The following AGO3 variants were observed in gnomAD, a reference collection of about 807,000 sequenced individuals.
The protein encoded by AGO3 is protein argonaute-3.
Under a neutral mutation model 105.5 loss-of-function variants are expected in AGO3, and 16 were observed. The observed-to-expected ratio is 0.15, with a 90% CI of 0.10 to 0.23. The LOEUF is 0.23. AGO3 is among the 10% of genes least tolerant of loss of function. AGO3 has a pLI of 1.00. For missense variants in AGO3, 534 were observed against 1,088.0 expected (o/e 0.49, Z 7.16); for synonymous variants, 340 against 367.3 (o/e 0.93, Z 0.85).
At position 36,066,039 on chromosome 1, in the gene AGO3, C is replaced by CAA. The variant is rs575467258; in HGVS notation, c.*10308_*10309dup. 18 of 105,960 alleles carry CAA rather than the reference C, an allele frequency of 1.7e-4. No homozygotes were observed. Among genetic ancestry groups the CAA allele is most frequent in the East Asian group, 2.8e-4 (1 of 3,512 alleles). 6.6% of individuals were successfully genotyped at this position (105,960 alleles called of 1,614,324 possible). On this transcript the variant is annotated 3_prime_UTR_variant, in exon 19 of 19. Coordinates refer to ENST00000373191, the MANE Select transcript of AGO3 (RefSeq NM_024852.4). ...TGGGCAACAGAGTGAGACTCTGTCT[C>CAA]AAAAAAAAAAAAAAATCGTTGTGCA...
intron 5 of AGO3, among the ~76,000 whole-genome samples, chr1:36,002,324 ATTT>A (rs375411955): frequency 3.4e-5 from 4 of 119,212 alleles, no homozygotes; most frequent in Admixed American, 8.7e-5. Flanking sequence ...AGCCAAGATA[ATTT>A]TTTTTTTTTT....
chr1:36,044,653 G>A (rs374950854), intron 17 of AGO3, among the ~76,000 whole-genome samples: 3 of 152,144 alleles, frequency 2.0e-5, no homozygotes, highest in African/African-American at 7.2e-5. Context: ...TGTTGGCCAG[G>A]CTGGTCTCAA....
At chr1:36,039,359 T>G (rs1313043945) in intron 14 of AGO3, among the ~76,000 whole-genome samples, 3 of 151,822 alleles carry the variant, frequency 2.0e-5, no homozygotes, top group African/African-American at 7.3e-5. Flanking sequence ...CTGGGGGTGG[T>G]GGTGCACACC....
At chr1:35,956,263 G>A (rs1330613235) in intron 2 of AGO3, among the ~76,000 whole-genome samples, 1 of 152,096 alleles carries the variant, frequency 6.6e-6, no homozygotes, top group Non-Finnish European at 1.5e-5. Flanking sequence ...GTTCCTAGCT[G>A]GTGCATTAGT....
chr1:36,024,411 A>G (rs1641396675), intron 11 of AGO3, among the ~76,000 whole-genome samples: 1 of 152,148 alleles, frequency 6.6e-6, no homozygotes, highest in African/African-American at 2.4e-5. Context: ...TGCTGGGATC[A>G]TAGGTGTGAG....
intron 1 of AGO3, among the ~76,000 whole-genome samples, chr1:35,939,511 ATAG>A (rs1413021611): frequency 6.6e-6 from 1 of 152,124 alleles, no homozygotes; most frequent in Non-Finnish European, 1.5e-5. Context: ...GAGGATGTTG[ATAG>A]TAGGGTGTCT....
intron 3 of AGO3, among the ~76,000 whole-genome samples, chr1:35,969,151 T>C (rs1051037204): frequency 6.6e-6 from 1 of 152,104 alleles, no homozygotes; most frequent in Non-Finnish European, 1.5e-5. Flanking sequence ...TTAGATTTTT[T>C]ATTTTTTTTA....
At chr1:36,018,599 AT>A (rs1213912621) in intron 11 of AGO3, among the ~76,000 whole-genome samples, 1 of 151,572 alleles carries the variant, frequency 6.6e-6, no homozygotes, top group Admixed American at 6.6e-5. Flanking sequence ...TGCCTGGCTA[AT>A]TTTTTGTATT....
At chr1:36,049,850 A>G (rs1642630821) in intron 17 of AGO3, among the ~76,000 whole-genome samples, 1 of 152,228 alleles carries the variant, frequency 6.6e-6, no homozygotes, top group South Asian at 2.1e-4. Context: ...GGATCAATTT[A>G]CCAAGAGGAT....
In AGO3 at chr1:36,060,094, A is replaced by G. The variant is rs1339982141; in HGVS notation, c.*4349A>G. On this transcript the variant is annotated 3_prime_UTR_variant, in exon 19 of 19. Transcript: ENST00000373191. ...ATTCCTAGAAGAGAGTCTAGCAGGG[A>G]TTCTAGTAGGAATTACTGAGTGTTT... 1 of 152,190 alleles carries G rather than the reference A, an allele frequency of 6.6e-6. No individual in the cohort carries two copies. The highest frequency in any genetic ancestry group is 2.4e-5 in the African/African-American group (1 of 41,444). The allele number at this position is 152,190 out of a possible 1,614,324, so 9.4% of individuals were successfully genotyped here. A position where few individuals can be genotyped will look rare whatever the true frequency, so the allele number is the denominator to read the frequency against.
intron 3 of AGO3, among the ~76,000 whole-genome samples, chr1:35,971,308 C>T (rs1445887904): frequency 1.3e-5 from 2 of 150,646 alleles, no homozygotes; most frequent in East Asian, 3.9e-4. Context: ...TACAGGCATG[C>T]ACCACCACAC....
At chr1:36,017,786 C>T (rs186047082) in intron 11 of AGO3, among the ~76,000 whole-genome samples, 2 of 151,920 alleles carry the variant, frequency 1.3e-5, no homozygotes, top group African/African-American at 4.8e-5. Flanking sequence ...GCCTGTGGTC[C>T]CAGCTACTCA....
At chr1:35,951,428 C>T (rs932012150) in intron 2 of AGO3, among the ~76,000 whole-genome samples, 1 of 151,534 alleles carries the variant, frequency 6.6e-6, no homozygotes, top group Non-Finnish European at 1.5e-5. Context: ...AACAGGATCT[C>T]GCTCTGTCAC....
At chr1:35,982,772 G>C (rs763296419) in intron 5 of AGO3, 2 of 611,322 alleles carry the variant, frequency 3.3e-6, no homozygotes, top group Non-Finnish European at 5.9e-6. Context: ...GAAAAAATAG[G>C]TTTAAGAACC....
intron 5 of AGO3, among the ~76,000 whole-genome samples, chr1:35,986,294 A>C (rs1024485880): frequency 2.0e-5 from 3 of 152,250 alleles, no homozygotes; most frequent in Non-Finnish European, 2.9e-5. Context: ...TGTCAGTAGC[A>C]GAATGAATAA....
At chr1:36,012,711 C>G (rs1275981448) in intron 9 of AGO3, among the ~76,000 whole-genome samples, 1 of 152,056 alleles carries the variant, frequency 6.6e-6, no homozygotes, top group East Asian at 1.9e-4. Context: ...TTCTTAACCT[C>G]TTTTTAGGTG....
chr1:35,998,456 A>G (rs1216172918), intron 5 of AGO3, among the ~76,000 whole-genome samples: 2 of 152,150 alleles, frequency 1.3e-5, no homozygotes, highest in African/African-American at 4.8e-5. Context: ...AAAATTATAT[A>G]CAGCTTCCAA....
At chr1:36,043,026 G>A (rs528137452) in intron 16 of AGO3, among the ~76,000 whole-genome samples, 1 of 152,314 alleles carries the variant, frequency 6.6e-6, no homozygotes, top group Admixed American at 6.5e-5. Context: ...TGTGACTGTT[G>A]TTGATCTTGT....
At chr1:35,993,049 A>G (rs1327285329) in intron 5 of AGO3, among the ~76,000 whole-genome samples, 3 of 152,222 alleles carry the variant, frequency 2.0e-5, no homozygotes, top group African/African-American at 4.8e-5. Flanking sequence ...AGAGGATATA[A>G]TAACATTAAG....
Sources: gnomAD v4.1 joint callset for allele counts (sites outside exome capture counted in the v4.1 genomes callset) on GRCh38, gnomAD v4.1.1 for gene constraint, MANE v1.5 for transcripts, NCBI Gene and HGNC (gene_info 2026-07-23, HGNC 2026-07-21) for gene names.